Variants in GPC5 observed in about 807,000 individuals in gnomAD.
GPC5 encodes the protein glypican-5.
Under a neutral mutation model 53.9 loss-of-function variants are expected in GPC5, and 47 were observed. The ratio of observed to expected loss-of-function variants is 0.87; its 90% CI spans 0.69 to 1.11. The LOEUF is 1.11. GPC5 is among the 50% of genes most tolerant of loss of function. GPC5 has a pLI of 0.00. For missense variants in GPC5, 748 were observed against 713.1 expected (o/e 1.05, Z -0.56); for synonymous variants, 286 against 263.3 (o/e 1.09, Z -0.84).
intron 2 of GPC5, among the ~76,000 whole-genome samples, chr13:91,514,044 C>T (rs1211530166): frequency 2.4e-4 from 37 of 152,126 alleles, no homozygotes; most frequent in Admixed American, 2.4e-3. Flanking sequence ...TAACCATTCA[C>T]CTGTAAAAAG....
At chr13:92,330,676 A>G (rs2043282240) in intron 7 of GPC5, among the ~76,000 whole-genome samples, 1 of 152,160 alleles carries the variant, frequency 6.6e-6, no homozygotes, top group African/African-American at 2.4e-5. Context: ...CTTTTATTTA[A>G]GAGTATTTAT....
intron 6 of GPC5, among the ~76,000 whole-genome samples, chr13:91,969,744 C>G (rs571501938): frequency 6.6e-6 from 1 of 152,116 alleles, no homozygotes; most frequent in South Asian, 2.1e-4. Flanking sequence ...CATAAAATAG[C>G]CAACACGTTT....
intron 7 of GPC5, among the ~76,000 whole-genome samples, chr13:92,169,051 C>T (rs1320303093): frequency 1.3e-5 from 2 of 152,078 alleles, no homozygotes. Flanking sequence ...GAGCTGGAAG[C>T]CATTATCCTC....
intron 6 of GPC5, among the ~76,000 whole-genome samples, chr13:91,927,199 T>G (rs950672459): frequency 2.6e-5 from 4 of 152,146 alleles, no homozygotes; most frequent in Non-Finnish European, 5.9e-5. Context: ...TGAGATGGAT[T>G]TTTGTGCTCA....
Position 91,893,468 on chromosome 13 carries a change from A to G in GPC5, c.1281-14469A>G, listed in dbSNP as rs2039409438. On this transcript the variant is annotated intron_variant, in intron 5 of 7. Transcript: ENST00000377067. Reference sequence around the variant, plus strand: ...TTTTTAAAGGGATTTCTGGCCCTCTACTCCAGATTTTATCATGTAGACACA... The same window carrying G: ...TTTTTAAAGGGATTTCTGGCCCTCTGCTCCAGATTTTATCATGTAGACACA... 2.0e-5 allele frequency among the ~76,000 whole-genome samples: 3 copies of G among 152,014 alleles called. No individual in the cohort carries two copies. In the South Asian group the frequency reaches 6.2e-4, roughly 32 times the overall value.
At chr13:92,361,030 A>G (rs2043561907) in intron 7 of GPC5, among the ~76,000 whole-genome samples, 1 of 151,822 alleles carries the variant, frequency 6.6e-6, no homozygotes. Context: ...AATGCTGGAC[A>G]CTGAAATCAG....
rs1566276801 is a variant in GPC5, at chr13:92,527,176, A to AAG, written c.1562-339104_1562-339103dup. On this transcript the variant is annotated intron_variant, in intron 7 of 7. Transcript: ENST00000377067. Reference sequence around the variant, plus strand: ...AGAAAGAAAGAAAGAAAGAAAGAGAAAGAAAGAAGAAAGAAAGAAAGAAAG... The same window carrying AAG: ...AGAAAGAAAGAAAGAAAGAAAGAGAAAGAGAAAGAAGAAAGAAAGAAAGAAAG... 1.0e-3 allele frequency among the ~76,000 whole-genome samples: 82 copies of AAG among 81,042 alleles called. 3 individuals carry two copies. Among genetic ancestry groups the AAG allele is most frequent in the Non-Finnish European group, 1.8e-3 (65 of 35,208 alleles). 53.2% of individuals were successfully genotyped at this position (81,042 alleles called of 152,430 possible).
At chr13:92,736,805 C>A (rs939552594) in intron 7 of GPC5, among the ~76,000 whole-genome samples, 1 of 143,184 alleles carries the variant, frequency 7.0e-6, no homozygotes, top group African/African-American at 2.6e-5. Flanking sequence ...TAGCTGTAGC[C>A]TATTTTTTTT....
At chr13:91,876,213 A>T (rs1387280064) in intron 5 of GPC5, among the ~76,000 whole-genome samples, 1 of 152,178 alleles carries the variant, frequency 6.6e-6, no homozygotes, top group East Asian at 1.9e-4. Flanking sequence ...GTGAAAACAG[A>T]CTAATACAGT....
At chr13:92,266,618 A>G (rs1019293050) in intron 7 of GPC5, among the ~76,000 whole-genome samples, 1 of 152,092 alleles carries the variant, frequency 6.6e-6, no homozygotes, top group Non-Finnish European at 1.5e-5. Context: ...ATTATCTCCA[A>G]GTCTTATAAT....
chr13:92,378,127 T>C (rs184768452), intron 7 of GPC5, among the ~76,000 whole-genome samples: 1 of 152,304 alleles, frequency 6.6e-6, no homozygotes, highest in Non-Finnish European at 1.5e-5. Flanking sequence ...GCTTAAATCA[T>C]TGTCATGTGA....
intron 7 of GPC5, among the ~76,000 whole-genome samples, chr13:92,661,189 G>A (rs1197564589): frequency 1.3e-5 from 2 of 151,918 alleles, no homozygotes; most frequent in East Asian, 1.9e-4. Flanking sequence ...CAGCTACTAG[G>A]GAGGCTGAGG....
At chr13:92,420,767 G>A (rs1391535543) in intron 7 of GPC5, among the ~76,000 whole-genome samples, 5 of 152,078 alleles carry the variant, frequency 3.3e-5, no homozygotes, top group African/African-American at 1.2e-4. Flanking sequence ...TGCCTGGCTT[G>A]TTTCACTTAG....
intron 5 of GPC5, among the ~76,000 whole-genome samples, chr13:91,776,608 C>T (rs1185986067): frequency 2.0e-5 from 3 of 152,158 alleles, no homozygotes; most frequent in East Asian, 1.9e-4. Flanking sequence ...AGCAGCAACT[C>T]GCAGAGCAAA....
At chr13:92,701,600 T>G (rs1203978153) in intron 7 of GPC5, 1 of 152,096 alleles carries the variant, frequency 6.6e-6, no homozygotes, top group Non-Finnish European at 1.5e-5. Context: ...ATTGATATGA[T>G]TAGACATAAG....
intron 7 of GPC5, among the ~76,000 whole-genome samples, chr13:92,178,221 A>T (rs965054133): frequency 3.9e-5 from 6 of 152,150 alleles, no homozygotes; most frequent in Non-Finnish European, 7.3e-5. Flanking sequence ...CTCTGCGTTT[A>T]TTCCAGTCTA....
intron 6 of GPC5, among the ~76,000 whole-genome samples, chr13:92,128,824 G>C (rs1441633159): frequency 6.6e-6 from 1 of 152,110 alleles, no homozygotes; most frequent in Non-Finnish European, 1.5e-5. Context: ...TTAGCTGTGC[G>C]TGGTGGTGTG....
chr13:91,552,138 A>G (rs1321193340), intron 2 of GPC5, among the ~76,000 whole-genome samples: 2 of 152,162 alleles, frequency 1.3e-5, no homozygotes, highest in East Asian at 3.9e-4. Context: ...ACTTTTAATG[A>G]TCAATATTCT....
chr13:92,158,286 A>C (rs1233279251), intron 7 of GPC5, among the ~76,000 whole-genome samples: 1 of 152,202 alleles, frequency 6.6e-6, no homozygotes, highest in East Asian at 1.9e-4. Context: ...GCAGAAGCCT[A>C]TATATACAGT....
Sources: gnomAD v4.1 joint callset for allele counts (sites outside exome capture counted in the v4.1 genomes callset) on GRCh38, gnomAD v4.1.1 for gene constraint, MANE v1.5 for transcripts, NCBI Gene and HGNC (gene_info 2026-07-23, HGNC 2026-07-21) for gene names.